Variants in WDR43 observed in about 807,000 individuals in gnomAD.
WDR43 encodes the protein WD repeat domain 43.
Under a neutral mutation model 91.4 loss-of-function variants are expected in WDR43, and 13 were observed. That is an observed-to-expected ratio of 0.14 (90% CI 0.09 to 0.23). The LOEUF is 0.23. WDR43 is among the 10% of genes least tolerant of loss of function. The pLI, the probability that WDR43 is intolerant of heterozygous loss-of-function variation, is 1.00. For synonymous variants in WDR43, 331 were observed against 287.9 expected (o/e 1.15, Z -1.51); for missense variants, 780 against 809.4 (o/e 0.96, Z 0.44).
chr2:28,911,906 G>A (rs1670808134), intron 3 of WDR43, among the ~76,000 whole-genome samples: 1 of 152,162 alleles, frequency 6.6e-6, no homozygotes, highest in South Asian at 2.1e-4. Context: ...TTAGAGGCAT[G>A]AGCCACCATG....
chr2:28,912,160 TTAA>T (rs1197804560), intron 3 of WDR43, among the ~76,000 whole-genome samples: 1 of 152,164 alleles, frequency 6.6e-6, no homozygotes, highest in Admixed American at 6.5e-5. Context: ...ATTAAGGGAA[TTAA>T]TTAAAGGCCA....
At chr2:28,907,446 CAAAAAAAA>C (rs34966684) in intron 3 of WDR43, among the ~76,000 whole-genome samples, 1 of 19,244 alleles carries the variant, frequency 5.2e-5, no homozygotes, top group East Asian at 2.8e-3. Flanking sequence ...CACCTCTTTA[CAAAAAAAA>C]AAAAAAAAAA....
At chr2:28,899,713 A>G (rs573722176) in intron 1 of WDR43, among the ~76,000 whole-genome samples, 1 of 152,316 alleles carries the variant, frequency 6.6e-6, no homozygotes, top group Admixed American at 6.5e-5. Flanking sequence ...AATATTTAGT[A>G]TGGGTAATAC....
chr2:28,894,809 C>T lies in WDR43; in HGVS notation c.111C>T (p.His37=), dbSNP rs1243372656. ...TCGCTTTGGCCTCTACCGACGGTCA[C>T]TTACGAGTATGGGAGACGGCCAACA... ...AYFALASTDG[H]LRVWETANNR... is the part of the protein sequence containing the mutation. The change falls in exon 1 of 18, where the codon CAC becomes CAT. Residue 37 remains histidine (H), a synonymous_variant. Coordinates refer to ENST00000407426, the MANE Select transcript of WDR43 (RefSeq NM_015131.3). The T allele has an allele frequency of 5.6e-6, 9 of 1,611,170 alleles. No individual in the cohort carries two copies. The highest frequency in any genetic ancestry group is 1.1e-5 in the South Asian group (1 of 90,528).
chr2:28,907,446 CAAA>C (rs34966684), intron 3 of WDR43, among the ~76,000 whole-genome samples: 11 of 19,244 alleles, frequency 5.7e-4, no homozygotes, highest in African/African-American at 9.1e-4. Flanking sequence ...CACCTCTTTA[CAAA>C]AAAAAAAAAA....
chr2:28,903,013 C>G (rs1389443774), intron 2 of WDR43, among the ~76,000 whole-genome samples: 1 of 152,146 alleles, frequency 6.6e-6, no homozygotes, highest in African/African-American at 2.4e-5. Context: ...ATACCTAAGT[C>G]TGTCGCCGAG....
At chr2:28,937,830 A>G (rs745928413) in intron 13 of WDR43, 101 bp from the exon 14 acceptor site, 44 of 1,088,940 alleles carry the variant, frequency 4.0e-5, no homozygotes, top group Non-Finnish European at 5.2e-5. Flanking sequence ...TCACAGAGCA[A>G]CATTTATAGA....
At chr2:28,905,361 C>A (rs77033204) in intron 2 of WDR43, among the ~76,000 whole-genome samples, 1 of 152,062 alleles carries the variant, frequency 6.6e-6, no homozygotes, top group Admixed American at 6.6e-5. Flanking sequence ...AGTTTCTATT[C>A]CTACGTGCCT....
intron 14 of WDR43, among the ~76,000 whole-genome samples, chr2:28,939,760 A>G (rs918938586): frequency 2.6e-5 from 4 of 152,156 alleles, no homozygotes; most frequent in African/African-American, 9.7e-5. Flanking sequence ...TTTGAATGAA[A>G]CACTTTTTTA....
At chr2:28,898,896 T>G (rs1670530386) in intron 1 of WDR43, among the ~76,000 whole-genome samples, 2 of 152,236 alleles carry the variant, frequency 1.3e-5, no homozygotes, top group South Asian at 4.1e-4. Flanking sequence ...CTGAATGTGC[T>G]TTTTTCTGTC....
intron 5 of WDR43, among the ~76,000 whole-genome samples, chr2:28,917,457 G>T (rs1670934288): frequency 6.6e-6 from 1 of 151,992 alleles, no homozygotes; most frequent in Non-Finnish European, 1.5e-5. Context: ...GGCTTTTTTT[G>T]AGAAATTGAC....
At position 28,902,133 on chromosome 2, in the gene WDR43, G is replaced by A; in HGVS notation, c.363+9G>A. 1 of 1,538,378 alleles carries A rather than the reference G, an allele frequency of 6.5e-7. No individual in the cohort carries two copies. Among genetic ancestry groups the A allele is most frequent in the Non-Finnish European group, 8.7e-7 (1 of 1,143,838 alleles). On this transcript the variant is annotated intron_variant, in intron 2 of 17. Transcript: ENST00000407426. Reference sequence around the variant, plus strand: ...TACACAGTAAATTAATAGTAAGTGTGTGTATATTTTATTTAAAAGTGATGT... The same window carrying A: ...TACACAGTAAATTAATAGTAAGTGTATGTATATTTTATTTAAAAGTGATGT...
rs749631764 is a variant in WDR43, at chr2:28,906,450, T to TA, written c.364-8dup. The TA allele has an allele frequency of 6.3e-5, 94 of 1,483,022 alleles. No homozygotes were observed. Among genetic ancestry groups the TA allele is most frequent in the African/African-American group, 2.8e-4 (19 of 68,464 alleles). The allele number at this position is 1,483,022 out of a possible 1,614,324, so 91.9% of individuals were successfully genotyped here. ...CAGCCTTAAATTTTTTTTTTTTTTT[T>TA]AATCTACAGAGTGGTGGACATGACA... On this transcript the variant is annotated splice_polypyrimidine_tract_variant and intron_variant, in intron 2 of 17. Transcript: ENST00000407426.
In WDR43 at chr2:28,941,539, C is replaced by T; in HGVS notation, c.1699C>T (p.His567Tyr). Residue 567 changes from histidine to tyrosine, a missense_variant, in exon 15 of 18, where the codon CAC becomes TAC. Transcript: ENST00000407426. ...SRVKTFQKLS[H>Y]LHGKLILLIT... ...AGTCAAAACTTTTCAGAAACTTTCA[C>T]ACCTTCATGGAAAGCTTATTCTTCT... The T allele has an allele frequency of 6.2e-7, 1 of 1,613,168 alleles. No homozygotes were observed. Among genetic ancestry groups the T allele is most frequent in the Middle Eastern group, 1.6e-4 (1 of 6,062 alleles).
chr2:28,929,946 G>C, intron 11 of WDR43: 1 of 586,798 alleles, frequency 1.7e-6, no homozygotes, highest in Non-Finnish European at 3.2e-6. Flanking sequence ...TAGAAATACT[G>C]TTCTGAATTA....
At position 28,902,052 on chromosome 2, in the gene WDR43, G is replaced by A; in HGVS notation, c.291G>A (p.Leu97=). The change falls in exon 2 of 18, where the codon TTG becomes TTA. Residue 97 remains leucine (L), a synonymous_variant. Transcript: ENST00000407426. ...GAATGAGTAACCAGACTGACTTATT[G>A]GCTCTTGGCACAGCAGTTGGTAGCA... is the stretch of plus-strand genomic sequence containing the variant. ...AVGMSNQTDL[L]ALGTAVGSIL... is the part of the protein sequence containing the mutation. The A allele has an allele frequency of 6.2e-7, 1 of 1,611,020 alleles. No individual in the cohort carries two copies. Among genetic ancestry groups the A allele is most frequent in the Non-Finnish European group, 8.5e-7 (1 of 1,178,958 alleles).
intron 12 of WDR43, among the ~76,000 whole-genome samples, chr2:28,936,327 T>TG (rs1292294906): frequency 1.3e-5 from 2 of 152,166 alleles, no homozygotes; most frequent in South Asian, 4.1e-4. Flanking sequence ...TTATCTAACA[T>TG]GCTGCTGAAG....
intron 2 of WDR43, among the ~76,000 whole-genome samples, chr2:28,905,825 C>T (rs942251838): frequency 1.3e-4 from 19 of 151,902 alleles, no homozygotes; most frequent in East Asian, 1.9e-4. Flanking sequence ...CTACCACACC[C>T]GGCTAATTTT....
intron 9 of WDR43, among the ~76,000 whole-genome samples, 174 bp downstream of exon 9, chr2:28,926,728 T>C (rs1432545844): frequency 6.6e-6 from 1 of 152,208 alleles, no homozygotes; most frequent in Non-Finnish European, 1.5e-5. Context: ...ACTCCTGATT[T>C]GTTGAGTGAA....
Sources: allele counts gnomAD v4.1 joint callset (sites outside exome capture counted in the v4.1 genomes callset), GRCh38; gene constraint gnomAD v4.1.1; transcripts MANE v1.5; gene names NCBI Gene and HGNC (gene_info 2026-07-23, HGNC 2026-07-21).